Variants in EML6 observed in about 807,000 individuals in gnomAD.
EML6 encodes the protein echinoderm microtubule-associated protein-like 6.
EML6 carries 154 observed loss-of-function variants against 240.1 expected under a neutral mutation model. The ratio of observed to expected loss-of-function variants is 0.64; its 90% CI spans 0.56 to 0.73. The LOEUF is 0.73. EML6 is among the 30% of genes least tolerant of loss of function. The probability of loss-of-function intolerance (pLI) is 0.00; values close to 1 mark genes in which losing one functional copy is unlikely to be tolerated. For missense variants in EML6, 2,964 were observed against 2,474.6 expected (o/e 1.20, Z -4.20); for synonymous variants, 1,148 against 899.0 (o/e 1.28, Z -4.95).
In EML6 at chr2:54,957,713, G is replaced by C. The variant is rs1248323797; in HGVS notation, c.4487-77G>C. On this transcript the variant is annotated intron_variant, in intron 32 of 41. Transcript: ENST00000356458. ...CATGGCTTACGCCTGCTGGGGTGGAGACCTCCTGGGCTGCGGCTCCCCCGG... is the reference window on the plus strand; with the variant it reads ...CATGGCTTACGCCTGCTGGGGTGGACACCTCCTGGGCTGCGGCTCCCCCGG... 3.8e-6 allele frequency: 5 copies of C among 1,333,294 alleles called. No individual in the cohort carries two copies. The South Asian group carries it at 6.3e-5, about 17-fold the overall frequency. 82.6% of individuals were successfully genotyped at this position (1,333,294 alleles called of 1,614,324 possible). A position where few individuals can be genotyped will look rare whatever the true frequency, so the allele number is the denominator to read the frequency against.
chr2:54,909,850 CAA>C (rs34171697), intron 24 of EML6, among the ~76,000 whole-genome samples: 13,708 of 67,334 alleles, frequency 0.2, 428 homozygotes, highest in South Asian at 0.36. Flanking sequence ...GACTCCATCT[CAA>C]AAAAAAAAAA....
At chr2:54,745,764 G>A (rs1683884521) in intron 2 of EML6, among the ~76,000 whole-genome samples, 1 of 152,128 alleles carries the variant, frequency 6.6e-6, no homozygotes, top group South Asian at 2.1e-4. Flanking sequence ...CTGGGTGACA[G>A]AGCAAGACCC....
chr2:54,750,832 C>T (rs1248084109), intron 2 of EML6, among the ~76,000 whole-genome samples: 1 of 152,128 alleles, frequency 6.6e-6, no homozygotes, highest in Non-Finnish European at 1.5e-5. Context: ...AGACATATGA[C>T]TGTAGCCCAG....
At chr2:54,960,443 C>T in intron 35 of EML6, 109 bp downstream of exon 35, 2 of 756,596 alleles carry the variant, frequency 2.6e-6, no homozygotes, top group South Asian at 3.1e-5. Flanking sequence ...TGAAACAAGG[C>T]CTCAATACAT....
rs1668752223 is a variant in EML6, at chr2:54,829,392, G to C, written c.762G>C (p.Gly254=). ...GTGAAGAAGGCTTTGCCACTGGTGG[G>C]CGAGATGGGTGTATACGACTGTGGG... ...YACEEGFATG[G]RDGCIRLWDT... The change falls in exon 7 of 42, where the codon GGG becomes GGC. Residue 254 remains glycine (G), a synonymous_variant. Transcript: ENST00000356458. The C allele has an allele frequency of 1.9e-6, 3 of 1,551,850 alleles. No individual in the cohort carries two copies.
chr2:54,903,315 G>C lies in EML6; in HGVS notation c.3278-56G>C. 2.0e-6 allele frequency: 3 copies of C among 1,531,754 alleles called. No homozygotes were observed. The South Asian group carries it at 3.7e-5, about 19-fold the overall frequency. The allele number at this position is 1,531,754 out of a possible 1,614,324, so 94.9% of individuals were successfully genotyped here. The stretch of plus-strand genomic sequence containing the variant: ...CCCACTTTTAAAATACTAAGTTCCT[G>C]GAAGTAAATTCCTATATAAAATGCT... On this transcript the variant is annotated intron_variant, in intron 23 of 41. Coordinates refer to ENST00000356458, the MANE Select transcript of EML6 (RefSeq NM_001039753.4).
chr2:54,794,641 T>C (rs1669655294), intron 2 of EML6, among the ~76,000 whole-genome samples: 1 of 152,212 alleles, frequency 6.6e-6, no homozygotes, highest in Non-Finnish European at 1.5e-5. Context: ...CCTTGCATAA[T>C]GCCCCTTTTT....
intron 37 of EML6, 132 bp downstream of exon 37, chr2:54,964,290 AG>A: frequency 1.1e-6 from 1 of 878,972 alleles, no homozygotes; most frequent in African/African-American, 1.7e-5. Flanking sequence ...CACCTATGAA[AG>A]AATACCTTCT....
intron 3 of EML6, among the ~76,000 whole-genome samples, chr2:54,815,264 C>T (rs1446373007): frequency 6.6e-6 from 1 of 152,148 alleles, no homozygotes; most frequent in African/African-American, 2.4e-5. Context: ...ACTTAACTGT[C>T]AGGTGAGAGA....
chr2:54,930,786 G>C (rs1387613722), intron 28 of EML6, among the ~76,000 whole-genome samples: 5 of 152,054 alleles, frequency 3.3e-5, no homozygotes, highest in Non-Finnish European at 7.4e-5. Flanking sequence ...CGGGAGCAGA[G>C]TGGGGCCCTG....
Position 54,970,491 on chromosome 2 carries a change from A to G in EML6, c.*396A>G, listed in dbSNP as rs955949854. On this transcript the variant is annotated 3_prime_UTR_variant, in exon 42 of 42. Coordinates refer to ENST00000356458, the MANE Select transcript of EML6 (RefSeq NM_001039753.4). Reference sequence around the variant, plus strand: ...ACAAAGATGTTTTGCTATTGTTTCTATATACTTCAAGAATGTTCATTTTTA... The same window carrying G: ...ACAAAGATGTTTTGCTATTGTTTCTGTATACTTCAAGAATGTTCATTTTTA... 1.9e-5 allele frequency: 4 copies of G among 208,472 alleles called. No homozygotes were observed. The highest frequency in any genetic ancestry group is 6.8e-5 in the African/African-American group (3 of 44,168). The allele number at this position is 208,472 out of a possible 1,614,324, so 12.9% of individuals were successfully genotyped here. A position where few individuals can be genotyped will look rare whatever the true frequency, so the allele number is the denominator to read the frequency against.
Position 54,859,682 on chromosome 2 carries a change from G to C in EML6, c.1806G>C (p.Met602Ile), listed in dbSNP as rs760995077. Residue 602 changes from methionine (M) to isoleucine (I), a missense_variant, in exon 12 of 42, where the codon ATG becomes ATC. By Grantham distance (10) the Met-to-Ile change is conservative. Coordinates refer to ENST00000356458, the MANE Select transcript of EML6 (RefSeq NM_001039753.4). ...TTCCAGAAGGTGTCAGCAACGGCAT[G>C]CTGGAAACTGCACCCCAAGGTAAAC... ...RFIPEGVSNG[M>I]LETAPQEGGA... 13 of 1,541,410 alleles carry C rather than the reference G, an allele frequency of 8.4e-6. No individual in the cohort carries two copies. The South Asian group carries it at 1.6e-4, about 19-fold the overall frequency.
At position 54,967,069 on chromosome 2, in the gene EML6, G is replaced by C; in HGVS notation, c.5563G>C (p.Val1855Leu). 1.3e-6 allele frequency: 2 copies of C among 1,551,496 alleles called. No individual in the cohort carries two copies. The highest frequency in any genetic ancestry group is 1.7e-6 in the Non-Finnish European group (2 of 1,146,884). The change falls in exon 39 of 42, where the codon GTC becomes CTC. Residue 1855 changes from valine to leucine, a missense_variant. Val to Leu is a conservative substitution (Grantham distance 32). Transcript: ENST00000356458. ...PLGKQVTEAV[V>L]IEKITWASWT... ...GGGGAAGCAGGTAACTGAAGCCGTG[G>C]TCATTGAGAAGATCACCTGGGCCTC...
chr2:54,877,882 C>T (rs1042068322), intron 16 of EML6, among the ~76,000 whole-genome samples: 1 of 152,192 alleles, frequency 6.6e-6, no homozygotes, highest in South Asian at 2.1e-4. Flanking sequence ...TTTTCTTTCT[C>T]TGACTCTCCT....
intron 28 of EML6, among the ~76,000 whole-genome samples, chr2:54,931,491 C>A (rs915011345): frequency 1.3e-5 from 2 of 152,188 alleles, no homozygotes; most frequent in Admixed American, 6.5e-5. Context: ...TGAAGCCAGG[C>A]AGCAGTGGCC....
chr2:54,937,775 A>C (rs1410456227), intron 28 of EML6, among the ~76,000 whole-genome samples: 1 of 152,138 alleles, frequency 6.6e-6, no homozygotes, highest in Non-Finnish European at 1.5e-5. Context: ...TTCTAAAAAA[A>C]GTTTCAAGCA....
chr2:54,925,835 G>A (rs1016307156), intron 26 of EML6, among the ~76,000 whole-genome samples: 3 of 151,998 alleles, frequency 2.0e-5, no homozygotes, highest in Non-Finnish European at 2.9e-5. Context: ...CTTCCCTTCC[G>A]AACCTAGACC....
intron 2 of EML6, among the ~76,000 whole-genome samples, chr2:54,754,413 A>C (rs1473726673): frequency 6.6e-6 from 1 of 152,144 alleles, no homozygotes; most frequent in Non-Finnish European, 1.5e-5. Flanking sequence ...GTAATTTCCT[A>C]TTATGGCAGC....
intron 2 of EML6, among the ~76,000 whole-genome samples, chr2:54,767,905 A>G (rs1360062325): frequency 1.3e-5 from 2 of 152,130 alleles, no homozygotes; most frequent in African/African-American, 2.4e-5. Context: ...TACAGGCGTG[A>G]GTCAACATGC....
Sources: gnomAD v4.1 joint callset for allele counts (sites outside exome capture counted in the v4.1 genomes callset) on GRCh38, gnomAD v4.1.1 for gene constraint, MANE v1.5 for transcripts, NCBI Gene and HGNC (gene_info 2026-07-23, HGNC 2026-07-21) for gene names.